CNTN4: variants seen among roughly 807,000 people sequenced by gnomAD.
CNTN4 encodes contactin-4.
Under a neutral mutation model 122.5 loss-of-function variants are expected in CNTN4, and 77 were observed. That is an observed-to-expected ratio of 0.63 (90% confidence interval 0.52 to 0.76). CNTN4 has a LOEUF of 0.76. Ranked by LOEUF, CNTN4 falls within the 30% of genes least tolerant of loss-of-function variation. CNTN4 has a pLI of 0.00. For synonymous variants in CNTN4, 512 were observed against 447.0 expected, an observed-to-expected ratio of 1.15 and a Z score of -1.83; for missense variants, 1,256 against 1,259.1, an observed-to-expected ratio of 1.00 and a Z score of 0.04.
At chr3:2,965,503 G>A (rs1195066702) in intron 13 of CNTN4, among the ~76,000 whole-genome samples, 4 of 152,178 alleles carry the variant, frequency 2.6e-5, no homozygotes, top group African/African-American at 9.7e-5. Flanking sequence ...TAATTTTAAC[G>A]TTAAGTTTAA....
chr3:2,631,231 A>T (rs1196675827), intron 4 of CNTN4, among the ~76,000 whole-genome samples: 1 of 152,200 alleles, frequency 6.6e-6, no homozygotes, highest in African/African-American at 2.4e-5. Context: ...TAAGGTTAAA[A>T]TCCATATAGT....
chr3:2,488,807 T>C (rs1559600614), intron 3 of CNTN4, among the ~76,000 whole-genome samples: 1 of 152,224 alleles, frequency 6.6e-6, no homozygotes, highest in Non-Finnish European at 1.5e-5. Context: ...CATAAACTTC[T>C]CTATGCATTA....
chr3:2,756,539 A>T (rs1016826511), intron 6 of CNTN4, among the ~76,000 whole-genome samples: 2 of 152,196 alleles, frequency 1.3e-5, no homozygotes, highest in East Asian at 1.9e-4. Context: ...TAACAGACTA[A>T]AACTGTAACT....
chr3:2,736,191 G>A, intron 4 of CNTN4, 24 bp from the exon 5 acceptor site: 1 of 1,610,128 alleles, frequency 6.2e-7, no homozygotes, highest in Non-Finnish European at 8.5e-7. Flanking sequence ...TCTTCATTTT[G>A]GACATTTTCT....
At chr3:2,941,471 A>C (rs908489543) in intron 13 of CNTN4, among the ~76,000 whole-genome samples, 5 of 152,038 alleles carry the variant, frequency 3.3e-5, no homozygotes, top group African/African-American at 1.2e-4. Flanking sequence ...GTTATACACC[A>C]CCTCTCTCTG....
intron 4 of CNTN4, among the ~76,000 whole-genome samples, chr3:2,721,600 T>A (rs2087858307): frequency 6.6e-6 from 1 of 151,908 alleles, no homozygotes; most frequent in Admixed American, 6.6e-5. Context: ...TATGTGTGTG[T>A]GAGAGAGAGA....
intron 2 of CNTN4, among the ~76,000 whole-genome samples, chr3:2,130,826 A>C (rs895834393): frequency 7.2e-5 from 11 of 152,222 alleles, no homozygotes; most frequent in South Asian, 4.1e-4. Flanking sequence ...AGATTTTAGA[A>C]CGGTAGTATG....
At chr3:2,700,821 T>C (rs1002740537) in intron 4 of CNTN4, among the ~76,000 whole-genome samples, 3 of 152,238 alleles carry the variant, frequency 2.0e-5, no homozygotes, top group African/African-American at 7.2e-5. Context: ...AAACAGTTTC[T>C]ATCAGGGACT....
At chr3:2,752,459 G>C (rs905237340) in intron 6 of CNTN4, among the ~76,000 whole-genome samples, 3 of 152,136 alleles carry the variant, frequency 2.0e-5, no homozygotes, top group African/African-American at 7.2e-5. Flanking sequence ...TCCACCTCCC[G>C]GGTCCAAGCG....
chr3:2,850,558 C>A (rs750960880), intron 7 of CNTN4, among the ~76,000 whole-genome samples: 5 of 152,150 alleles, frequency 3.3e-5, no homozygotes, highest in Admixed American at 3.3e-4. Flanking sequence ...CCAGATCATG[C>A]GAAACCATGT....
chr3:2,733,005 A>G (rs2088812854), intron 4 of CNTN4, among the ~76,000 whole-genome samples: 1 of 152,238 alleles, frequency 6.6e-6, no homozygotes, highest in Admixed American at 6.5e-5. Flanking sequence ...AAGCATCATT[A>G]TTATCAATTC....
chr3:2,191,476 G>C (rs1575045339), intron 2 of CNTN4, among the ~76,000 whole-genome samples: 1 of 152,118 alleles, frequency 6.6e-6, no homozygotes, highest in East Asian at 1.9e-4. Context: ...TCCCTTTTGG[G>C]CTGCTTTGAC....
chr3:2,847,772 C>T (rs1307399462), intron 7 of CNTN4, among the ~76,000 whole-genome samples: 3 of 152,170 alleles, frequency 2.0e-5, no homozygotes, highest in Non-Finnish European at 4.4e-5. Context: ...TCCTGAATGT[C>T]CACCACCATG....
At chr3:2,327,015 TC>T (rs1481605434) in intron 2 of CNTN4, among the ~76,000 whole-genome samples, 1 of 152,152 alleles carries the variant, frequency 6.6e-6, no homozygotes, top group Non-Finnish European at 1.5e-5. Context: ...AAGATAATTT[TC>T]AAAGTGTTTT....
Position 2,925,700 on chromosome 3 carries a change from A to T in CNTN4, c.1279A>T (p.Ile427Phe), listed in dbSNP as rs1228601773. 1.9e-6 allele frequency: 3 copies of T among 1,613,962 alleles called. No homozygotes were observed. The highest frequency in any genetic ancestry group is 2.5e-6 in the Non-Finnish European group (3 of 1,179,836). Residue 427 changes from isoleucine (I) to phenylalanine (F), a missense_variant, in exon 13 of 25, where the codon ATT becomes TTT. Ile to Phe is a conservative substitution (Grantham distance 21). Coordinates refer to ENST00000418658, the MANE Select transcript of CNTN4 (RefSeq NM_175607.3). The part of the protein sequence containing the change: ...TLVKVGGEVV[I>F]ECKPKASPKP... ...TGTCAAAGTGGGAGGTGAAGTTGTCATTGAGTGTAAGCCAAAAGCGTCTCC... is the reference window on the plus strand; with the variant it reads ...TGTCAAAGTGGGAGGTGAAGTTGTCTTTGAGTGTAAGCCAAAAGCGTCTCC...
At chr3:2,548,527 G>T (rs911051256) in intron 3 of CNTN4, among the ~76,000 whole-genome samples, 1 of 151,940 alleles carries the variant, frequency 6.6e-6, no homozygotes, top group African/African-American at 2.4e-5. Context: ...CCATTCCATT[G>T]GTCTATATAT....
chr3:2,124,224 T>C (rs1318503586), intron 2 of CNTN4, among the ~76,000 whole-genome samples: 1 of 152,104 alleles, frequency 6.6e-6, no homozygotes, highest in African/African-American at 2.4e-5. Context: ...CTGAAAAATA[T>C]GAACAAGGCA....
chr3:3,053,691 G>A (rs1368698982), intron 23 of CNTN4, 116 bp from the exon 24 acceptor site: 1 of 1,022,486 alleles, frequency 9.8e-7, no homozygotes, highest in Non-Finnish European at 1.5e-6. Flanking sequence ...TGGGCAGCCA[G>A]ACAACCTCTA....
intron 2 of CNTN4, among the ~76,000 whole-genome samples, chr3:2,203,296 T>G (rs946431848): frequency 6.6e-6 from 1 of 152,188 alleles, no homozygotes; most frequent in African/African-American, 2.4e-5. Flanking sequence ...TGTGAATCAC[T>G]ACCTACCATT....
Sources: allele counts gnomAD v4.1 joint callset (sites outside exome capture counted in the v4.1 genomes callset), GRCh38; gene constraint gnomAD v4.1.1; transcripts MANE v1.5; gene names NCBI Gene and HGNC (gene_info 2026-07-23, HGNC 2026-07-21).